Variants in CLVS2 observed in about 807,000 individuals in gnomAD.
CLVS2 encodes clavesin-2.
CLVS2 carries 19 observed loss-of-function variants against 29.0 expected under a neutral mutation model. The observed-to-expected ratio is 0.66, with a 90% CI of 0.46 to 0.96. The LOEUF is 0.96. Ranked by LOEUF, CLVS2 falls within the 40% of genes least tolerant of loss-of-function variation. The pLI is 0.00. For synonymous variants in CLVS2, 161 were observed against 151.3 expected, an observed-to-expected ratio of 1.06 and a Z score of -0.47; for missense variants, 294 against 404.1, an observed-to-expected ratio of 0.73 and a Z score of 2.34.
Position 123,067,831 on chromosome 6 carries a change from G to A in CLVS2, c.*4070G>A, listed in dbSNP as rs1772886287. The A allele has an allele frequency of 6.6e-6, 1 of 151,630 alleles. No homozygotes were observed. The highest frequency in any genetic ancestry group is 6.6e-5 in the Admixed American group (1 of 15,168). 9.4% of individuals were successfully genotyped at this position (151,630 alleles called of 1,614,324 possible). ...TATGCAAGGTGTGTAATTATCTTCAGTAATGAAAAGGATTTGTTTTCTTGT... is the reference window on the plus strand; with the variant it reads ...TATGCAAGGTGTGTAATTATCTTCAATAATGAAAAGGATTTGTTTTCTTGT... On this transcript the variant is annotated 3_prime_UTR_variant, in exon 6 of 6. Transcript: ENST00000275162.
chr6:123,040,484 A>G (rs1775212837), intron 3 of CLVS2, among the ~76,000 whole-genome samples: 1 of 152,214 alleles, frequency 6.6e-6, no homozygotes, highest in African/African-American at 2.4e-5. Context: ...TCTCCCCGCC[A>G]TGGAATCAAT....
At chr6:123,061,205 G>T (rs1772772692) in intron 5 of CLVS2, among the ~76,000 whole-genome samples, 1 of 152,072 alleles carries the variant, frequency 6.6e-6, no homozygotes, top group African/African-American at 2.4e-5. Context: ...GGGGAGGTGG[G>T]AGCATCAGTT....
At chr6:123,049,585 A>G (rs947559830) in intron 4 of CLVS2, among the ~76,000 whole-genome samples, 2 of 152,186 alleles carry the variant, frequency 1.3e-5, no homozygotes, top group African/African-American at 4.8e-5. Context: ...AGCCCCATGT[A>G]TAGAGCTATT....
chr6:122,997,767 T>G lies in CLVS2; in HGVS notation c.-11T>G. ...GGTCTTCTGAGGGAAAGCTCAGAGA[T>G]AGGCAGAACAATGACTCATTTGCAA... On this transcript the variant is annotated 5_prime_UTR_variant, in exon 2 of 6. Transcript: ENST00000275162. 1 of 1,611,820 alleles carries G rather than the reference T, an allele frequency of 6.2e-7. No homozygotes were observed. The highest frequency in any genetic ancestry group is 2.2e-5 in the East Asian group (1 of 44,828).
In CLVS2 at chr6:123,032,360, T is replaced by A. The variant is rs192133689; in HGVS notation, c.565-16262T>A. ...CTCAGGAGTAGGGGAGACAAATATG[T>A]GTTTTCAGTCTGTCACTTTAAATCA... On this transcript the variant is annotated intron_variant, in intron 3 of 5. Transcript: ENST00000275162. 2.1e-3 allele frequency among the ~76,000 whole-genome samples: 318 copies of A among 152,270 alleles called. 4 individuals carry two copies. Among genetic ancestry groups the A allele is most frequent in the African/African-American group, 7.2e-3 (300 of 41,566 alleles).
chr6:123,011,294 T>A, intron 3 of CLVS2, 135 bp downstream of exon 3: 2 of 574,018 alleles, frequency 3.5e-6, no homozygotes, highest in Non-Finnish European at 5.8e-6. Context: ...GCACAAACAT[T>A]AAAATACTAA....
At chr6:123,023,780 T>A (rs1157947949) in intron 3 of CLVS2, among the ~76,000 whole-genome samples, 1 of 152,148 alleles carries the variant, frequency 6.6e-6, no homozygotes, top group Admixed American at 6.6e-5. Flanking sequence ...TTCCTGGGCT[T>A]AAATCTTGCC....
intron 3 of CLVS2, among the ~76,000 whole-genome samples, 161 bp from the exon 4 acceptor site, chr6:123,048,461 C>G (rs1199311765): frequency 1.3e-5 from 2 of 152,094 alleles, no homozygotes; most frequent in East Asian, 3.9e-4. Flanking sequence ...ATGAAAAGTA[C>G]AATGTTTAAC....
chr6:123,026,628 G>A (rs879264159), intron 3 of CLVS2, among the ~76,000 whole-genome samples: 3 of 152,094 alleles, frequency 2.0e-5, no homozygotes, highest in African/African-American at 7.2e-5. Flanking sequence ...ATATGCCTTA[G>A]AGAAAAATAT....
chr6:123,015,066 A>G (rs953518760), intron 3 of CLVS2, among the ~76,000 whole-genome samples: 2 of 152,068 alleles, frequency 1.3e-5, no homozygotes, highest in African/African-American at 2.4e-5. Context: ...CAGGTAGGAC[A>G]TACTGATCAG....
chr6:123,031,168 G>A (rs932541814), intron 3 of CLVS2, among the ~76,000 whole-genome samples: 2 of 151,810 alleles, frequency 1.3e-5, no homozygotes, highest in South Asian at 2.1e-4. Flanking sequence ...ACAGGGTTTC[G>A]CCATGTTGCC....
At chr6:123,043,501 G>A (rs1775263974) in intron 3 of CLVS2, among the ~76,000 whole-genome samples, 1 of 151,912 alleles carries the variant, frequency 6.6e-6, no homozygotes, top group Non-Finnish European at 1.5e-5. Flanking sequence ...GAAGCTAAAT[G>A]TTTCAAAAAA....
At chr6:123,049,772 G>C (rs956379291) in intron 4 of CLVS2, among the ~76,000 whole-genome samples, 1 of 144,734 alleles carries the variant, frequency 6.9e-6, no homozygotes, top group African/African-American at 2.6e-5. Flanking sequence ...ACACAGGAAG[G>C]GGAATATCAC....
intron 3 of CLVS2, among the ~76,000 whole-genome samples, chr6:123,014,819 A>G (rs2114312535): frequency 6.6e-6 from 1 of 152,216 alleles, no homozygotes; most frequent in Non-Finnish European, 1.5e-5. Flanking sequence ...ATACAGATAC[A>G]CAGACTGCAG....
intron 2 of CLVS2, among the ~76,000 whole-genome samples, chr6:123,006,425 A>T (rs950508995): frequency 6.6e-6 from 1 of 152,200 alleles, no homozygotes; most frequent in African/African-American, 2.4e-5. Flanking sequence ...AGGACAATTT[A>T]TCTCACAATA....
At chr6:123,002,833 T>G (rs988340455) in intron 2 of CLVS2, among the ~76,000 whole-genome samples, 3 of 152,126 alleles carry the variant, frequency 2.0e-5, no homozygotes, top group Non-Finnish European at 4.4e-5. Flanking sequence ...AGTCTAGGAG[T>G]CCTTTTCGTA....
rs1772893140 is a variant in CLVS2, at chr6:123,068,275, C to G, written c.*4514C>G. ...TTATAGGAGTTAAATATAATCAATG[C>G]ACTCATGGTAAATAATGGAAATTGT... is the stretch of plus-strand genomic sequence containing the variant. On this transcript the variant is annotated 3_prime_UTR_variant, in exon 6 of 6. Coordinates refer to ENST00000275162, the MANE Select transcript of CLVS2 (RefSeq NM_001010852.4). 1 of 151,250 alleles carries G rather than the reference C, an allele frequency of 6.6e-6. No homozygotes were observed. The highest frequency in any genetic ancestry group is 2.4e-5 in the African/African-American group (1 of 41,296). 9.4% of individuals were successfully genotyped at this position (151,250 alleles called of 1,614,324 possible).
At chr6:123,027,309 T>C (rs543680826) in intron 3 of CLVS2, among the ~76,000 whole-genome samples, 1 of 152,164 alleles carries the variant, frequency 6.6e-6, no homozygotes, top group African/African-American at 2.4e-5. Context: ...TAAATACTCA[T>C]AAAATGGGAT....
chr6:123,018,156 A>C (rs1292240640), intron 3 of CLVS2, among the ~76,000 whole-genome samples: 1 of 152,146 alleles, frequency 6.6e-6, no homozygotes, highest in Non-Finnish European at 1.5e-5. Context: ...TGAACAAAGC[A>C]TATGAACTAC....
Sources: allele counts gnomAD v4.1 joint callset (sites outside exome capture counted in the v4.1 genomes callset), GRCh38; gene constraint gnomAD v4.1.1; transcripts MANE v1.5; gene names NCBI Gene and HGNC (gene_info 2026-07-23, HGNC 2026-07-21).